The following ESRRG variants were observed in gnomAD, a reference collection of about 807,000 sequenced individuals.
ESRRG encodes estrogen-related receptor gamma.
A neutral mutation model predicts 44.0 loss-of-function variants in ESRRG; 13 were observed. The observed-to-expected ratio is 0.30, with a 90% CI of 0.19 to 0.47. ESRRG has a LOEUF of 0.47. Among genes scored for constraint, ESRRG ranks in the 20% least tolerant of loss-of-function variants. The pLI, the probability that ESRRG is intolerant of heterozygous loss-of-function variation, is 1.00. For missense variants in ESRRG, 395 were observed against 580.6 expected (o/e 0.68, Z 3.29); for synonymous variants, 215 against 214.6 (o/e 1.00, Z -0.02).
At chr1:216,746,056 G>C (rs768897813) in intron 2 of ESRRG, among the ~76,000 whole-genome samples, 2 of 152,046 alleles carry the variant, frequency 1.3e-5, no homozygotes, top group Non-Finnish European at 2.9e-5. Context: ...CCTCAAAAAA[G>C]TTCAATAATG....
intron 5 of ESRRG, among the ~76,000 whole-genome samples, chr1:216,559,249 T>C (rs1037643812): frequency 1.3e-5 from 2 of 152,204 alleles, no homozygotes; most frequent in African/African-American, 4.8e-5. Flanking sequence ...TTCTTCCACT[T>C]AACTAAAAGA....
At chr1:216,962,553 G>A (rs1007641172) in intron 1 of ESRRG, among the ~76,000 whole-genome samples, 4 of 111,068 alleles carry the variant, frequency 3.6e-5, no homozygotes, top group African/African-American at 8.2e-5. Context: ...TCCACAAGTA[G>A]GAATCTTTTT....
intron 2 of ESRRG, among the ~76,000 whole-genome samples, chr1:216,876,975 A>AATGT (rs2096365054): frequency 1.1e-5 from 1 of 94,202 alleles, no homozygotes. Flanking sequence ...TCTCTTCACT[A>AATGT]ATGTGTGTGT....
rs555901202 is a variant in ESRRG, at chr1:217,136,226, C to T, written c.-230+1441G>A. Among the ~76,000 whole-genome samples the T allele has an allele frequency of 1.3e-4, 20 of 152,222 alleles. No individual in the cohort carries two copies. In the East Asian group the frequency reaches 3.9e-3, roughly 30 times the overall value. ...GAGCCGGGTTTCTCTCTGGGAGTAC[C>T]GGAGTGAGTGGGAGGGAAAGGGAAA... On this transcript the variant is annotated intron_variant, in intron 1 of 8. Coordinates refer to the ESRRG transcript ENST00000366940.
chr1:216,617,867 G>A (rs149874188), intron 3 of ESRRG, among the ~76,000 whole-genome samples: 96 of 152,240 alleles, frequency 6.3e-4, no homozygotes, highest in African/African-American at 2.1e-3. Context: ...TGCTTTACAA[G>A]ATTTTGTGAT....
rs1226738949 is a variant in ESRRG, at chr1:216,650,930, A to G, written c.589+43T>C. On this transcript the variant is annotated intron_variant, in intron 3 of 6. Transcript: ENST00000408911. ...GTGGAATTTTTTGCCTCCCATCCCC[A>G]CAGCAAAATCAAAACCTCAGGGGCA... The G allele has an allele frequency of 2.3e-6, 3 of 1,313,132 alleles. No individual in the cohort carries two copies. In the Admixed American group the frequency reaches 5.1e-5, roughly 22 times the overall value. The allele number at this position is 1,313,132 out of a possible 1,614,324, so 81.3% of individuals were successfully genotyped here. A position where few individuals can be genotyped will look rare whatever the true frequency, so the allele number is the denominator to read the frequency against.
At chr1:216,792,802 A>T (rs970993092) in intron 2 of ESRRG, among the ~76,000 whole-genome samples, 1 of 152,134 alleles carries the variant, frequency 6.6e-6, no homozygotes, top group Non-Finnish European at 1.5e-5. Context: ...TTGCTTAGCT[A>T]CAGTTGCTTT....
chr1:217,101,253 A>G (rs749203133), intron 1 of ESRRG, among the ~76,000 whole-genome samples: 4 of 152,146 alleles, frequency 2.6e-5, no homozygotes, highest in Non-Finnish European at 5.9e-5. Flanking sequence ...CAGGTAACCT[A>G]AGGCAAGTTA....
In ESRRG at chr1:216,519,405, G is replaced by A; in HGVS notation, c.879C>T (p.Ser293=). The A allele has an allele frequency of 6.2e-7, 1 of 1,610,610 alleles. No individual in the cohort carries two copies. Among genetic ancestry groups the A allele is most frequent in the African/African-American group, 1.3e-5 (1 of 74,750 alleles). The change falls in exon 6 of 7, where the codon TCC becomes TCT. Residue 293 remains serine (S), a synonymous_variant. Transcript: ENST00000408911. The part of the protein sequence containing the change: ...AKHIPGFSTL[S]LADQMSLLQS... ...GCAGAAGGCTCATCTGGTCCGCCAG[G>A]GACAGCGTGGAGAAGCCTGCATGGA...
Position 216,697,171 on chromosome 1 carries a change from G to A in ESRRG, c.57-19680C>T, listed in dbSNP as rs1206040344. On this transcript the variant is annotated intron_variant, in intron 1 of 6. Coordinates refer to ENST00000408911, the MANE Select transcript of ESRRG (RefSeq NM_001438.4). ...AGTAGAGACAGGGTTTCTCCATGTT[G>A]GCCAGGCTGATCTCAAACTCCTGAC... Among the ~76,000 whole-genome samples, 4 of 151,948 alleles carry A rather than the reference G, an allele frequency of 2.6e-5. No individual in the cohort carries two copies. The East Asian group carries it at 5.8e-4, about 22-fold the overall frequency.
chr1:217,091,127 G>C (rs1580548060), upstream of ESRRG, among the ~76,000 whole-genome samples: 1 of 152,118 alleles, frequency 6.6e-6, no homozygotes, highest in South Asian at 2.1e-4. Flanking sequence ...CAAATGCTTT[G>C]CTCTGCTTTA....
At chr1:217,074,284 G>T (rs1297476225) in intron 1 of ESRRG, among the ~76,000 whole-genome samples, 3 of 151,770 alleles carry the variant, frequency 2.0e-5, no homozygotes, top group Admixed American at 6.6e-5. Flanking sequence ...CCTGACCTCA[G>T]ATGATCCACC....
intron 1 of ESRRG, among the ~76,000 whole-genome samples, chr1:216,970,917 T>C (rs903900883): frequency 3.3e-5 from 5 of 152,186 alleles, no homozygotes; most frequent in African/African-American, 1.2e-4. Context: ...ATGAGCCCCT[T>C]TTTTTGACCC....
intron 2 of ESRRG, among the ~76,000 whole-genome samples, chr1:216,925,981 A>G (rs150006131): frequency 3.9e-5 from 6 of 152,176 alleles, no homozygotes; most frequent in Non-Finnish European, 8.8e-5. Flanking sequence ...TGCTCTTCAC[A>G]GTTCATGATC....
chr1:216,561,632 A>G (rs1411548155), intron 5 of ESRRG, among the ~76,000 whole-genome samples: 1 of 152,178 alleles, frequency 6.6e-6, no homozygotes, highest in East Asian at 1.9e-4. Flanking sequence ...AACCCAGGGT[A>G]AGGCAGCACA....
chr1:216,939,299 C>T (rs1354638716), intron 2 of ESRRG, among the ~76,000 whole-genome samples: 2 of 118,696 alleles, frequency 1.7e-5, no homozygotes, highest in Non-Finnish European at 3.3e-5. Context: ...CACTACAACA[C>T]ATACTTGGTA....
chr1:217,030,861 T>C (rs2081969320), intron 1 of ESRRG, among the ~76,000 whole-genome samples: 1 of 152,236 alleles, frequency 6.6e-6, no homozygotes, highest in African/African-American at 2.4e-5. Context: ...GAAATGCTAA[T>C]ATTTAGGATA....
chr1:216,833,779 G>T (rs2095521946), intron 2 of ESRRG, among the ~76,000 whole-genome samples: 1 of 152,120 alleles, frequency 6.6e-6, no homozygotes, highest in African/African-American at 2.4e-5. Flanking sequence ...ATTTTGCTGG[G>T]GAAAATCTGC....
intron 5 of ESRRG, among the ~76,000 whole-genome samples, chr1:216,553,024 G>A (rs2056760087): frequency 6.6e-6 from 1 of 152,022 alleles, no homozygotes; most frequent in Non-Finnish European, 1.5e-5. Context: ...CCTCTTTTAG[G>A]TATGCAAATC....
Sources: gnomAD v4.1 joint callset for allele counts (sites outside exome capture counted in the v4.1 genomes callset) on GRCh38, gnomAD v4.1.1 for gene constraint, MANE v1.5 for transcripts, NCBI Gene and HGNC (gene_info 2026-07-23, HGNC 2026-07-21) for gene names.